Variants in RORB observed in about 807,000 individuals in gnomAD.
The protein encoded by RORB is nuclear receptor ROR-beta.
RORB carries 6 observed loss-of-function variants against 59.1 expected under a neutral mutation model. The ratio of observed to expected loss-of-function variants is 0.10; its 90% CI spans 0.06 to 0.20. The LOEUF is 0.20. RORB is among the 10% of genes least tolerant of loss of function. RORB has a pLI of 1.00. For synonymous variants in RORB, 215 were observed against 204.5 expected (o/e 1.05, Z -0.44); for missense variants, 320 against 560.5 (o/e 0.57, Z 4.33).
chr9:74,610,083 A>C (rs1279109145), intron 1 of RORB, among the ~76,000 whole-genome samples: 1 of 152,250 alleles, frequency 6.6e-6, no homozygotes, highest in Non-Finnish European at 1.5e-5. Flanking sequence ...ACAGCGTCTC[A>C]CATTACTGAT....
chr9:74,687,967 C>T lies in RORB; in HGVS notation c.*2349C>T, dbSNP rs1298449358. ...TGTTTTCCATTGTCAGCCTGTAATT[C>T]CTGCTCAGTTGCAGAGGGAATTATT... On this transcript the variant is annotated 3_prime_UTR_variant, in exon 10 of 10. Transcript: ENST00000376896. 3.3e-5 allele frequency: 5 copies of T among 152,144 alleles called. No individual in the cohort carries two copies. The highest frequency in any genetic ancestry group is 1.2e-4 in the African/African-American group (5 of 41,420). 9.4% of individuals were successfully genotyped at this position (152,144 alleles called of 1,614,324 possible). A position where few individuals can be genotyped will look rare whatever the true frequency, so the allele number is the denominator to read the frequency against.
At position 74,630,390 on chromosome 9, in the gene RORB, G is replaced by C. The variant is rs200060170; in HGVS notation, c.93+23G>C. ...AAGGTATGGGACTTTCATACAGCAC[G>C]GTTCTGTATTTGCCTCAGGCATCTG... is the stretch of plus-strand genomic sequence containing the variant. On this transcript the variant is annotated intron_variant, in intron 2 of 9. Coordinates refer to ENST00000376896, the MANE Select transcript of RORB (RefSeq NM_006914.4). 19 of 1,581,564 alleles carry C rather than the reference G, an allele frequency of 1.2e-5. No individual in the cohort carries two copies. In the African/African-American group the frequency reaches 1.7e-4, roughly 15 times the overall value.
intron 4 of RORB, 70 bp downstream of exon 4, chr9:74,642,885 T>A: frequency 3.3e-6 from 4 of 1,209,502 alleles, no homozygotes; most frequent in Non-Finnish European, 4.6e-6. Flanking sequence ...TCCTATTTAG[T>A]ATGGTAATTT....
chr9:74,550,584 T>C lies in RORB; in HGVS notation c.7+52601T>C, dbSNP rs952255809. Among the ~76,000 whole-genome samples, 4 of 152,252 alleles carry C rather than the reference T, an allele frequency of 2.6e-5. No individual in the cohort carries two copies. In the South Asian group the frequency reaches 8.3e-4, roughly 31 times the overall value. ...TCTCTTAATTGGCCAATACCAACTT[T>C]GGTCCCTTCCACCTTTCAATTACCA... is the stretch of plus-strand genomic sequence containing the variant. On this transcript the variant is annotated intron_variant, in intron 1 of 9. Coordinates refer to ENST00000376896, the MANE Select transcript of RORB (RefSeq NM_006914.4).
intron 5 of RORB, among the ~76,000 whole-genome samples, chr9:74,661,670 A>T (rs1353038495): frequency 1.0e-5 from 1 of 96,258 alleles, no homozygotes; most frequent in African/African-American, 4.1e-5. Context: ...TTTGAGACGG[A>T]GTCTCACTCT....
intron 4 of RORB, among the ~76,000 whole-genome samples, chr9:74,648,652 C>T (rs1823940858): frequency 6.6e-6 from 1 of 152,152 alleles, no homozygotes; most frequent in Non-Finnish European, 1.5e-5. Flanking sequence ...GCCAAACATG[C>T]AGTTAACAAC....
chr9:74,622,519 ATTTTTTT>A (rs33946613), intron 1 of RORB, among the ~76,000 whole-genome samples: 2 of 74,142 alleles, frequency 2.7e-5, no homozygotes, highest in African/African-American at 1.1e-4. Flanking sequence ...TACAACCCAG[ATTTTTTT>A]TTTTTTTTTT....
At chr9:74,590,345 T>G (rs1822868301) in intron 1 of RORB, among the ~76,000 whole-genome samples, 1 of 152,200 alleles carries the variant, frequency 6.6e-6, no homozygotes, top group Non-Finnish European at 1.5e-5. Flanking sequence ...CAATTATGAG[T>G]CTTTGTAAAG....
At chr9:74,536,282 T>C (rs1420406937) in intron 1 of RORB, among the ~76,000 whole-genome samples, 1 of 151,684 alleles carries the variant, frequency 6.6e-6, no homozygotes, top group Non-Finnish European at 1.5e-5. Flanking sequence ...AGGATTCTGA[T>C]GATGCTGAAG....
At chr9:74,502,498 A>G (rs1353944535) in intron 1 of RORB, among the ~76,000 whole-genome samples, 1 of 152,114 alleles carries the variant, frequency 6.6e-6, no homozygotes, top group Non-Finnish European at 1.5e-5. Context: ...TCTCATTACA[A>G]TAGTTCTAAG....
intron 1 of RORB, among the ~76,000 whole-genome samples, chr9:74,552,083 T>A (rs112543589): frequency 6.0e-4 from 91 of 152,026 alleles, no homozygotes; most frequent in African/African-American, 2.1e-3. Flanking sequence ...GGAAGAGAGG[T>A]TACAGTTCTT....
Position 74,637,587 on chromosome 9 carries a change from A to ATT in RORB, c.235+2821_235+2822dup, listed in dbSNP as rs5898369. On this transcript the variant is annotated intron_variant, in intron 3 of 9. Coordinates refer to ENST00000376896, the MANE Select transcript of RORB (RefSeq NM_006914.4). Reference sequence around the variant, plus strand: ...CCTACTGAATCTTCTCCATCATTTTATTTTTTTCTTTTACCTACACCCTTT... The same window carrying ATT: ...CCTACTGAATCTTCTCCATCATTTTATTTTTTTTTCTTTTACCTACACCCTTT... Among the ~76,000 whole-genome samples the ATT allele has an allele frequency of 1.4e-4, 22 of 152,046 alleles. No homozygotes were observed. The East Asian group carries it at 4.1e-3, about 28-fold the overall frequency.
intron 1 of RORB, among the ~76,000 whole-genome samples, chr9:74,591,539 A>T (rs2118289442): frequency 6.6e-6 from 1 of 152,350 alleles, no homozygotes; most frequent in East Asian, 1.9e-4. Context: ...TTTAATGTGG[A>T]TAGCTGATAC....
intron 4 of RORB, among the ~76,000 whole-genome samples, chr9:74,653,298 T>C (rs1293619341): frequency 2.0e-5 from 3 of 152,180 alleles, no homozygotes; most frequent in Non-Finnish European, 4.4e-5. Context: ...TGCCACTAAT[T>C]CACAGTGAAT....
At chr9:74,588,811 A>G (rs866386933) in intron 1 of RORB, among the ~76,000 whole-genome samples, 19 of 152,212 alleles carry the variant, frequency 1.2e-4, no homozygotes, top group African/African-American at 4.6e-4. Flanking sequence ...AAGTGATTCA[A>G]AGCAAGATAT....
intron 1 of RORB, among the ~76,000 whole-genome samples, chr9:74,629,095 G>A (rs547909187): frequency 3.3e-5 from 5 of 151,956 alleles, no homozygotes; most frequent in East Asian, 3.9e-4. Context: ...TTTCCATGTC[G>A]GTTCCCTTTT....
chr9:74,588,414 T>G (rs1822839289), intron 1 of RORB, among the ~76,000 whole-genome samples: 2 of 152,168 alleles, frequency 1.3e-5, no homozygotes, highest in Admixed American at 1.3e-4. Flanking sequence ...CAAAGTCAGG[T>G]CAATGAATTT....
intron 1 of RORB, among the ~76,000 whole-genome samples, chr9:74,512,000 G>T (rs1164631788): frequency 6.6e-6 from 1 of 151,642 alleles, no homozygotes; most frequent in Non-Finnish European, 1.5e-5. Flanking sequence ...ACAATAATAA[G>T]AAGAAAAATG....
intron 1 of RORB, among the ~76,000 whole-genome samples, chr9:74,567,032 C>T (rs1406678595): frequency 2.0e-5 from 3 of 146,944 alleles, no homozygotes; most frequent in Non-Finnish European, 3.0e-5. Flanking sequence ...CCACCCCACC[C>T]TTTTTTTTTT....
Sources: allele counts gnomAD v4.1 joint callset (sites outside exome capture counted in the v4.1 genomes callset), GRCh38; gene constraint gnomAD v4.1.1; transcripts MANE v1.5; gene names NCBI Gene and HGNC (gene_info 2026-07-23, HGNC 2026-07-21).